SLC4A4: variants seen among roughly 807,000 people sequenced by gnomAD.
The protein encoded by SLC4A4 is electrogenic sodium bicarbonate cotransporter 1.
In SLC4A4, 27 loss-of-function variants were observed where a neutral mutation model predicts 111.5. That is an observed-to-expected ratio of 0.24 (90% CI 0.18 to 0.33). The LOEUF is 0.33. Among genes scored for constraint, SLC4A4 ranks in the 10% least tolerant of loss-of-function variants. The pLI, the probability that SLC4A4 is intolerant of heterozygous loss-of-function variation, is 1.00. For synonymous variants in SLC4A4, 443 were observed against 463.4 expected (o/e 0.96, Z 0.57); for missense variants, 909 against 1,315.5 (o/e 0.69, Z 4.78).
At chr4:71,491,516 G>A (rs1333771258) in intron 15 of SLC4A4, among the ~76,000 whole-genome samples, 3 of 151,716 alleles carry the variant, frequency 2.0e-5, no homozygotes, top group African/African-American at 7.3e-5. Flanking sequence ...TGCATATTAG[G>A]TTCATTGGCG....
At chr4:71,063,173 A>G (rs1010088957) in intron 1 of SLC4A4, among the ~76,000 whole-genome samples, 1 of 152,190 alleles carries the variant, frequency 6.6e-6, no homozygotes, top group African/African-American at 2.4e-5. Context: ...GGAATTTTCT[A>G]TTTACTTGGA....
At chr4:71,319,480 C>G (rs1229488959) in intron 3 of SLC4A4, among the ~76,000 whole-genome samples, 1 of 152,022 alleles carries the variant, frequency 6.6e-6, no homozygotes, top group African/African-American at 2.4e-5. Context: ...GTGCTCACTA[C>G]ACATCTTTGA....
intron 12 of SLC4A4, among the ~76,000 whole-genome samples, chr4:71,462,415 CTTTTTTTT>C (rs869306669): frequency 7.4e-5 from 9 of 121,896 alleles, no homozygotes; most frequent in South Asian, 2.6e-4. Context: ...ACCTCCTCAT[CTTTTTTTT>C]TTTTTTTTTT....
At chr4:71,130,879 A>G (rs77399336) in intron 2 of SLC4A4, among the ~76,000 whole-genome samples, 1,912 of 152,270 alleles carry the variant, frequency 0.013, 45 homozygotes, top group African/African-American at 0.043. Flanking sequence ...TGTAGTTGAG[A>G]GAGCTCTCTG....
chr4:71,168,903 T>A, intron 2 of SLC4A4, among the ~76,000 whole-genome samples: 1 of 152,234 alleles, frequency 6.6e-6, no homozygotes, highest in East Asian at 1.9e-4. Context: ...TGACCACTGC[T>A]GCAATAAACA....
At chr4:71,371,679 G>A (rs549546642) in intron 6 of SLC4A4, among the ~76,000 whole-genome samples, 26 of 152,088 alleles carry the variant, frequency 1.7e-4, no homozygotes, top group African/African-American at 5.5e-4. Flanking sequence ...TATTTTCTGT[G>A]CCTCACAATG....
chr4:71,398,016 T>A (rs1288235762), intron 7 of SLC4A4, among the ~76,000 whole-genome samples: 1 of 152,142 alleles, frequency 6.6e-6, no homozygotes, highest in East Asian at 1.9e-4. Context: ...CCTGGCACAG[T>A]GGCTCATGCC....
intron 6 of SLC4A4, among the ~76,000 whole-genome samples, chr4:71,376,086 C>T (rs540109040): frequency 1.8e-3 from 244 of 137,084 alleles, no homozygotes; most frequent in African/African-American, 6.4e-3. Flanking sequence ...TATATATATA[C>T]ATATATACGT....
chr4:71,160,642 A>T (rs1469241406), intron 2 of SLC4A4, among the ~76,000 whole-genome samples: 1 of 150,468 alleles, frequency 6.6e-6, no homozygotes, highest in Admixed American at 6.6e-5. Context: ...ATGAGGGATG[A>T]GGAAAGGTAG....
At chr4:71,485,502 A>G (rs1729293482) in intron 14 of SLC4A4, among the ~76,000 whole-genome samples, 1 of 151,620 alleles carries the variant, frequency 6.6e-6, no homozygotes. Flanking sequence ...ATCGTGGTGG[A>G]TTAGCTTTCT....
intron 11 of SLC4A4, among the ~76,000 whole-genome samples, chr4:71,452,645 T>C (rs1034601869): frequency 6.6e-6 from 1 of 152,198 alleles, no homozygotes; most frequent in Non-Finnish European, 1.5e-5. Context: ...GCAGAAGCCC[T>C]GGGGAAGACT....
chr4:71,211,581 G>T (rs561248037), intron 1 of SLC4A4, among the ~76,000 whole-genome samples: 1 of 152,112 alleles, frequency 6.6e-6, no homozygotes, highest in South Asian at 2.1e-4. Flanking sequence ...TTTTAAAAAT[G>T]TGGGTATGTT....
chr4:71,571,830 G>A lies in SLC4A4; in HGVS notation c.*4079G>A, dbSNP rs534510319. On this transcript the variant is annotated 3_prime_UTR_variant, in exon 26 of 26. Coordinates refer to ENST00000264485, the MANE Select transcript of SLC4A4 (RefSeq NM_001098484.3). Reference sequence around the variant, plus strand: ...CTTTATTAACTTTGGAGAGAGAAATGATGCATCTTTTTATTTTAAATGAAG... The same window carrying A: ...CTTTATTAACTTTGGAGAGAGAAATAATGCATCTTTTTATTTTAAATGAAG... 1.3e-5 allele frequency: 2 copies of A among 152,262 alleles called. No individual in the cohort carries two copies. The highest frequency in any genetic ancestry group is 1.3e-4 in the Admixed American group (2 of 15,182). The allele number at this position is 152,262 out of a possible 1,614,324, so 9.4% of individuals were successfully genotyped here. A position where few individuals can be genotyped will look rare whatever the true frequency, so the allele number is the denominator to read the frequency against.
At chr4:71,450,090 G>GT (rs1389662971) in intron 9 of SLC4A4, among the ~76,000 whole-genome samples, 2 of 152,200 alleles carry the variant, frequency 1.3e-5, no homozygotes, top group East Asian at 3.9e-4. Context: ...CATAGCAACT[G>GT]TATCAGTAGT....
rs745511369 is a variant in SLC4A4 at position 71,092,360 on chromosome 4, AC to A, written c.-64-369del. Among the ~76,000 whole-genome samples the A allele has an allele frequency of 3.2e-4, 48 of 152,158 alleles. 1 individual carries two copies. Among genetic ancestry groups the A allele is most frequent in the Non-Finnish European group, 6.3e-4 (43 of 68,028 alleles). On this transcript the variant is annotated intron_variant, in intron 1 of 26. Transcript: ENST00000649996. ...ATTTTTCCTACATTTTCTTATACAA[AC>A]TTTTTCATGTTGACAGATATTTTAA...
chr4:71,371,356 G>T (rs1444715715), intron 6 of SLC4A4, among the ~76,000 whole-genome samples: 2 of 147,836 alleles, frequency 1.4e-5, no homozygotes, highest in Non-Finnish European at 3.0e-5. Flanking sequence ...CAATTCTCCT[G>T]CCTCAGCCTC....
intron 3 of SLC4A4, among the ~76,000 whole-genome samples, chr4:71,306,999 A>G (rs191652977): frequency 6.6e-6 from 1 of 152,078 alleles, no homozygotes; most frequent in Non-Finnish European, 1.5e-5. Flanking sequence ...ATTTTTCTTC[A>G]CTCTTTATTA....
At chr4:71,453,735 C>T in intron 12 of SLC4A4, 66 bp downstream of exon 12, 2 of 1,431,670 alleles carry the variant, frequency 1.4e-6, no homozygotes, top group Non-Finnish European at 2.0e-6. Flanking sequence ...CCCTACAGCT[C>T]AGTTAGAAGC....
intron 3 of SLC4A4, among the ~76,000 whole-genome samples, chr4:71,313,948 A>T (rs1726429268): frequency 6.6e-6 from 1 of 152,240 alleles, no homozygotes; most frequent in African/African-American, 2.4e-5. Flanking sequence ...GAGCTTCTGC[A>T]CAGCAAAAGA....
Sources: allele counts gnomAD v4.1 joint callset (sites outside exome capture counted in the v4.1 genomes callset), GRCh38; gene constraint gnomAD v4.1.1; transcripts MANE v1.5; gene names NCBI Gene and HGNC (gene_info 2026-07-23, HGNC 2026-07-21).